Variants in LRP1B observed in about 807,000 individuals in gnomAD.
LRP1B encodes the protein LDL receptor related protein 1B.
LRP1B carries 217 observed loss-of-function variants against 556.6 expected under a neutral mutation model. The ratio of observed to expected loss-of-function variants is 0.39; its 90% CI spans 0.35 to 0.44. LRP1B has a LOEUF of 0.44. LRP1B is among the 20% of genes least tolerant of loss of function. The pLI is 1.00. For missense variants in LRP1B, 5,053 were observed against 5,620.8 expected (o/e 0.90, Z 3.23); for synonymous variants, 2,047 against 1,865.8 (o/e 1.10, Z -2.50).
chr2:140,344,716 T>C (rs902931590), intron 77 of LRP1B, among the ~76,000 whole-genome samples: 1 of 151,714 alleles, frequency 6.6e-6, no homozygotes, highest in Non-Finnish European at 1.5e-5. Context: ...AAAAACAAAG[T>C]AAGCAGTTGG....
intron 47 of LRP1B, among the ~76,000 whole-genome samples, chr2:140,529,900 C>T (rs1690612841): frequency 6.6e-6 from 1 of 151,840 alleles, no homozygotes; most frequent in South Asian, 2.1e-4. Context: ...GGCCTGAAGT[C>T]TAAAGCTCTC....
At chr2:140,550,031 G>C (rs934442932) in intron 43 of LRP1B, among the ~76,000 whole-genome samples, 1 of 151,764 alleles carries the variant, frequency 6.6e-6, no homozygotes, top group Admixed American at 6.6e-5. Flanking sequence ...GACGGGCCCC[G>C]ATATGTGATG....
intron 41 of LRP1B, among the ~76,000 whole-genome samples, chr2:140,619,597 T>A (rs1321959954): frequency 6.6e-6 from 1 of 152,190 alleles, no homozygotes; most frequent in Non-Finnish European, 1.5e-5. Flanking sequence ...TATAACCTTG[T>A]TTCTCATTTA....
chr2:141,550,117 A>T (rs949204236), intron 2 of LRP1B, among the ~76,000 whole-genome samples: 1 of 152,160 alleles, frequency 6.6e-6, no homozygotes, highest in African/African-American at 2.4e-5. Context: ...TTCAATTGAA[A>T]CTTCTCATTC....
At chr2:141,392,480 AAG>A (rs1553507609) in intron 3 of LRP1B, among the ~76,000 whole-genome samples, 6 of 134,554 alleles carry the variant, frequency 4.5e-5, no homozygotes, top group African/African-American at 1.2e-4. Flanking sequence ...AAAAAAAAAA[AAG>A]AGAGACTGTC....
chr2:141,892,573 T>C (rs958407512), intron 1 of LRP1B, among the ~76,000 whole-genome samples: 1 of 152,090 alleles, frequency 6.6e-6, no homozygotes, highest in Admixed American at 6.6e-5. Context: ...TTAATAATAA[T>C]ATTTCCTATA....
intron 35 of LRP1B, among the ~76,000 whole-genome samples, chr2:140,724,047 A>C (rs796395754): frequency 1.3e-5 from 2 of 152,358 alleles, no homozygotes; most frequent in African/African-American, 4.8e-5. Flanking sequence ...AGGTCAGGGA[A>C]GATGAGAATC....
chr2:141,721,911 A>G (rs1236270122), intron 2 of LRP1B, among the ~76,000 whole-genome samples: 6 of 152,208 alleles, frequency 3.9e-5, no homozygotes, highest in Non-Finnish European at 8.8e-5. Flanking sequence ...CTGATCCAGC[A>G]GACCAGAAAC....
At chr2:141,771,798 TTTTTTGTTGTTTGTTTG>T (rs1394006871) in intron 2 of LRP1B, among the ~76,000 whole-genome samples, 1 of 152,102 alleles carries the variant, frequency 6.6e-6, no homozygotes, top group Non-Finnish European at 1.5e-5. Flanking sequence ...GATCTCTTGC[TTTTTTGTTGTTTGTTTG>T]TTTTTGTTGT....
intron 2 of LRP1B, among the ~76,000 whole-genome samples, chr2:141,624,026 A>G (rs355585): frequency 0.064 from 7,910 of 123,076 alleles, 593 homozygotes; most frequent in South Asian, 0.18. Flanking sequence ...AAAAAAAAAA[A>G]AAAATTAAAC....
intron 2 of LRP1B, among the ~76,000 whole-genome samples, chr2:141,551,026 A>G (rs1385707230): frequency 6.6e-6 from 1 of 152,122 alleles, no homozygotes; most frequent in Non-Finnish European, 1.5e-5. Flanking sequence ...CATTTTACTA[A>G]GAAGCATATT....
intron 49 of LRP1B, among the ~76,000 whole-genome samples, chr2:140,520,102 C>T (rs914234583): frequency 6.2e-4 from 95 of 152,232 alleles, no homozygotes; most frequent in African/African-American, 2.2e-3. Flanking sequence ...GATCCTATTA[C>T]TGGGTATATA....
intron 21 of LRP1B, among the ~76,000 whole-genome samples, chr2:140,920,832 T>C (rs1694717056): frequency 6.6e-6 from 1 of 151,994 alleles, no homozygotes; most frequent in African/African-American, 2.4e-5. Flanking sequence ...CTAAAAACTA[T>C]TTGGTAGAAA....
intron 3 of LRP1B, among the ~76,000 whole-genome samples, chr2:141,372,558 A>G (rs1407195869): frequency 6.6e-6 from 1 of 151,886 alleles, no homozygotes; most frequent in Non-Finnish European, 1.5e-5. Flanking sequence ...TTACTTATTC[A>G]ATCCCACTAC....
intron 77 of LRP1B, among the ~76,000 whole-genome samples, chr2:140,350,465 C>T (rs1296614777): frequency 6.6e-6 from 1 of 151,814 alleles, no homozygotes; most frequent in Non-Finnish European, 1.5e-5. Flanking sequence ...GTGATGTTTC[C>T]CAATCTCATC....
intron 84 of LRP1B, among the ~76,000 whole-genome samples, chr2:140,282,845 G>A (rs72892243): frequency 0.037 from 5,576 of 151,754 alleles, 114 homozygotes; most frequent in South Asian, 0.084. Context: ...CACACTTGTA[G>A]AAAACACCCA....
At chr2:141,495,833 T>C (rs1200164662) in intron 2 of LRP1B, among the ~76,000 whole-genome samples, 3 of 152,086 alleles carry the variant, frequency 2.0e-5, no homozygotes, top group Non-Finnish European at 4.4e-5. Flanking sequence ...CTAGAAAATA[T>C]ACAAATTCTT....
At chr2:140,858,187 G>A (rs1023845310) in intron 27 of LRP1B, among the ~76,000 whole-genome samples, 2 of 152,010 alleles carry the variant, frequency 1.3e-5, no homozygotes, top group African/African-American at 4.8e-5. Context: ...GTGTAGCTGA[G>A]AACTATCTAG....
chr2:140,317,835 C>A (rs960564269), intron 82 of LRP1B, among the ~76,000 whole-genome samples: 2 of 151,976 alleles, frequency 1.3e-5, no homozygotes, highest in South Asian at 2.1e-4. Context: ...CTATAACGTG[C>A]CTCATTAGGC....
Sources: allele counts gnomAD v4.1 joint callset (sites outside exome capture counted in the v4.1 genomes callset), GRCh38; gene constraint gnomAD v4.1.1; transcripts MANE v1.5; gene names NCBI Gene and HGNC (gene_info 2026-07-23, HGNC 2026-07-21).